RAD51B: variants seen among roughly 807,000 people sequenced by gnomAD.
RAD51B encodes the protein DNA repair protein RAD51 homolog 2.
RAD51B carries 38 observed loss-of-function variants against 42.2 expected under a neutral mutation model. The observed-to-expected ratio is 0.90, with a 90% CI of 0.70 to 1.18. The LOEUF (loss-of-function observed/expected upper bound fraction) is 1.18. Ranked by LOEUF, RAD51B falls within the 50% of genes most tolerant of loss-of-function variation. The pLI is 0.00. For missense variants in RAD51B, 373 were observed against 400.7 expected (o/e 0.93, Z 0.59); for synonymous variants, 154 against 145.2 (o/e 1.06, Z -0.43).
chr14:68,279,756 A>G (rs1000135876), intron 7 of RAD51B, among the ~76,000 whole-genome samples: 1 of 152,216 alleles, frequency 6.6e-6, no homozygotes, highest in African/African-American at 2.4e-5. Context: ...AATAGGAAAA[A>G]CAAGAAAATA....
At chr14:68,060,974 A>G (rs2076557374) in intron 7 of RAD51B, among the ~76,000 whole-genome samples, 1 of 151,046 alleles carries the variant, frequency 6.6e-6, no homozygotes, top group Admixed American at 6.6e-5. Flanking sequence ...CTTGGTTACT[A>G]CAACTATATT....
chr14:68,255,837 G>A (rs866247576), intron 7 of RAD51B, among the ~76,000 whole-genome samples: 12 of 152,248 alleles, frequency 7.9e-5, no homozygotes, highest in African/African-American at 1.2e-4. Flanking sequence ...ACATTAGCTC[G>A]TCTTACAGCT....
chr14:68,540,138 C>A, intron 10 of RAD51B: 1 of 986,658 alleles, frequency 1.0e-6, no homozygotes, highest in Non-Finnish European at 1.2e-6. Flanking sequence ...CAAATGCCTC[C>A]AGGACATGAG....
intron 4 of RAD51B, among the ~76,000 whole-genome samples, chr14:67,864,179 A>G (rs1437644203): frequency 6.6e-6 from 1 of 152,198 alleles, no homozygotes; most frequent in Non-Finnish European, 1.5e-5. Context: ...CCCCTCCTCC[A>G]GTACTGGGGA....
intron 7 of RAD51B, among the ~76,000 whole-genome samples, chr14:67,979,368 T>C (rs554265409): frequency 6.6e-6 from 1 of 152,306 alleles, no homozygotes; most frequent in South Asian, 2.1e-4. Context: ...CTCAAGACAT[T>C]TTAATAGTTT....
rs566021474 is a variant in RAD51B at position 68,652,508 on chromosome 14, T to G, written c.*11+1652T>G. ...GAAGAGGCAGAGGTGCAGCATCCTC[T>G]AGGACCCTCGGCCATGCGTGCTGTG... is the stretch of plus-strand genomic sequence containing the variant. On this transcript the variant is annotated intron_variant, in intron 11 of 11. Transcript: ENST00000488612. Among the ~76,000 whole-genome samples, 150 of 152,362 alleles carry G rather than the reference T, an allele frequency of 9.8e-4. 1 individual carries two copies. The highest frequency in any genetic ancestry group is 3.4e-3 in the African/African-American group (140 of 41,584).
intron 7 of RAD51B, among the ~76,000 whole-genome samples, chr14:68,276,080 A>C (rs2139605013): frequency 6.6e-6 from 1 of 152,300 alleles, no homozygotes; most frequent in East Asian, 1.9e-4. Context: ...TTTGAGACAG[A>C]TGAATCCCTG....
At chr14:68,062,592 G>A (rs900359410) in intron 7 of RAD51B, among the ~76,000 whole-genome samples, 25 of 151,878 alleles carry the variant, frequency 1.6e-4, no homozygotes, top group Admixed American at 6.6e-4. Context: ...TCAGGAGTTC[G>A]AGACCAGCCT....
At chr14:68,631,865 G>A (rs1255011158) in intron 10 of RAD51B, among the ~76,000 whole-genome samples, 1 of 152,172 alleles carries the variant, frequency 6.6e-6, no homozygotes, top group Non-Finnish European at 1.5e-5. Context: ...TCATATTCTT[G>A]CTCTGTCCAC....
In RAD51B at chr14:68,611,111, C is replaced by A. The variant is rs576092440; in HGVS notation, c.1142C>A (p.Thr381Lys). 21 of 703,164 alleles carry A rather than the reference C, an allele frequency of 3.0e-5. No individual in the cohort carries two copies. In the African/African-American group the frequency reaches 3.5e-4, roughly 12 times the overall value. The allele number at this position is 703,164 out of a possible 1,614,324, so 43.6% of individuals were successfully genotyped here. Residue 381 changes from threonine to lysine, a missense_variant, in exon 11 of 11, where the codon ACA (threonine) becomes AAA (lysine). By Grantham distance (78) the Thr-to-Lys change is moderately conservative. Transcript: ENST00000487861. The stretch of plus-strand genomic sequence containing the variant: ...ATACCTGATGTGGTGCTCAGAAAAA[C>A]AAGGAATCCCAGGCTGTTACCCAGT...
At chr14:67,845,681 CA>C (rs1566920542) in intron 4 of RAD51B, among the ~76,000 whole-genome samples, 1 of 151,836 alleles carries the variant, frequency 6.6e-6, no homozygotes, top group African/African-American at 2.4e-5. Context: ...TACACACACA[CA>C]AAAAAACACA....
At chr14:68,296,866 A>C (rs2081624019) in intron 8 of RAD51B, among the ~76,000 whole-genome samples, 1 of 152,198 alleles carries the variant, frequency 6.6e-6, no homozygotes, top group Admixed American at 6.5e-5. Flanking sequence ...TTTCCGATAG[A>C]CCATAGCACA....
downstream of RAD51B, among the ~76,000 whole-genome samples, chr14:68,613,646 G>C (rs2140110233): frequency 6.6e-6 from 1 of 151,952 alleles, no homozygotes; most frequent in East Asian, 2.0e-4. Context: ...AGTAGAGATG[G>C]GGTTTCACCG....
chr14:67,826,401 A>T (rs1594959962), intron 3 of RAD51B, among the ~76,000 whole-genome samples: 1 of 152,182 alleles, frequency 6.6e-6, no homozygotes, highest in Non-Finnish European at 1.5e-5. Flanking sequence ...ATTTTTTCAG[A>T]CTTTTTGTGT....
chr14:68,070,634 T>C (rs975376416), intron 7 of RAD51B, among the ~76,000 whole-genome samples: 2 of 152,212 alleles, frequency 1.3e-5, no homozygotes, highest in Non-Finnish European at 2.9e-5. Flanking sequence ...TCCATTTGCC[T>C]GTGTGTCTGT....
intron 7 of RAD51B, among the ~76,000 whole-genome samples, chr14:68,274,132 T>C (rs2081175225): frequency 6.6e-6 from 1 of 152,174 alleles, no homozygotes; most frequent in Non-Finnish European, 1.5e-5. Context: ...TGTTTCTTAA[T>C]TTTTCTATTT....
intron 8 of RAD51B, among the ~76,000 whole-genome samples, chr14:68,335,153 T>C (rs1398298953): frequency 6.7e-6 from 1 of 149,912 alleles, no homozygotes; most frequent in African/African-American, 2.4e-5. Context: ...AAAAATTAGC[T>C]GGGCATGGTG....
intron 7 of RAD51B, among the ~76,000 whole-genome samples, chr14:68,275,258 C>A (rs1472382464): frequency 1.3e-5 from 2 of 152,130 alleles, no homozygotes; most frequent in Non-Finnish European, 1.5e-5. Flanking sequence ...TTCTCTGTGA[C>A]CCTCATGTGC....
intron 7 of RAD51B, among the ~76,000 whole-genome samples, chr14:67,954,661 C>T (rs28405326): frequency 0.069 from 10,441 of 152,192 alleles, 864 homozygotes; most frequent in African/African-American, 0.2. Context: ...CTTTCCAACA[C>T]AGACTACTCT....
Sources: gnomAD v4.1 joint callset for allele counts (sites outside exome capture counted in the v4.1 genomes callset) on GRCh38, gnomAD v4.1.1 for gene constraint, MANE v1.5 for transcripts, NCBI Gene and HGNC (gene_info 2026-07-23, HGNC 2026-07-21) for gene names.